RALYL: variants seen among roughly 807,000 people sequenced by gnomAD.
The protein encoded by RALYL is RALY RNA binding protein like.
Under a neutral mutation model 35.1 loss-of-function variants are expected in RALYL, and 29 were observed. The observed-to-expected ratio is 0.83, with a 90% CI of 0.61 to 1.13. The LOEUF (loss-of-function observed/expected upper bound fraction) is 1.13. Ranked by LOEUF, RALYL falls within the 50% of genes most tolerant of loss-of-function variation. The pLI is 0.00. For missense variants in RALYL, 359 were observed against 360.4 expected (o/e 1.00, Z 0.03); for synonymous variants, 120 against 127.6 (o/e 0.94, Z 0.40).
At chr8:84,672,416 A>T (rs765966014) in intron 2 of RALYL, among the ~76,000 whole-genome samples, 5 of 152,200 alleles carry the variant, frequency 3.3e-5, no homozygotes, top group Admixed American at 6.5e-5. Context: ...TCTTCTTCTG[A>T]GTCCTCCAAC....
chr8:84,258,438 A>G (rs888290056), intron 1 of RALYL, among the ~76,000 whole-genome samples: 4 of 152,168 alleles, frequency 2.6e-5, no homozygotes, highest in African/African-American at 9.6e-5. Flanking sequence ...CACACTTTAA[A>G]GTGCTTAGTT....
At chr8:84,550,608 T>C (rs2060649721) in intron 2 of RALYL, among the ~76,000 whole-genome samples, 2 of 151,382 alleles carry the variant, frequency 1.3e-5, no homozygotes, top group Admixed American at 1.3e-4. Context: ...ATTTATTATA[T>C]ACCTTTTTAT....
intron 1 of RALYL, among the ~76,000 whole-genome samples, chr8:84,434,441 ATAT>A (rs1157438208): frequency 6.6e-6 from 1 of 152,126 alleles, no homozygotes; most frequent in Non-Finnish European, 1.5e-5. Flanking sequence ...GCCCTGTGAA[ATAT>A]TCAAAAGTAT....
intron 2 of RALYL, among the ~76,000 whole-genome samples, chr8:84,742,215 A>G (rs907587139): frequency 1.3e-5 from 2 of 152,000 alleles, no homozygotes; most frequent in South Asian, 2.1e-4. Context: ...AAATATATTC[A>G]TGGACATTTG....
At chr8:84,737,911 C>A (rs1847606933) in intron 2 of RALYL, among the ~76,000 whole-genome samples, 1 of 151,960 alleles carries the variant, frequency 6.6e-6, no homozygotes, top group African/African-American at 2.4e-5. Flanking sequence ...GACTTGCCTC[C>A]AGAACTGTAA....
At chr8:84,665,957 A>G (rs1831942537) in intron 2 of RALYL, 1 of 152,086 alleles carries the variant, frequency 6.6e-6, no homozygotes, top group Admixed American at 6.6e-5. Flanking sequence ...CTGTCAACAA[A>G]GAATAAAAGA....
intron 1 of RALYL, among the ~76,000 whole-genome samples, chr8:84,516,002 T>C (rs1364585794): frequency 3.3e-5 from 1 of 30,682 alleles, no homozygotes; most frequent in Non-Finnish European, 6.1e-5. Flanking sequence ...GCCTGGTTTG[T>C]GGTGGTCGGG....
At chr8:84,558,486 C>A (rs1242882042) in intron 2 of RALYL, among the ~76,000 whole-genome samples, 1 of 151,986 alleles carries the variant, frequency 6.6e-6, no homozygotes, top group Admixed American at 6.6e-5. Context: ...GAGATTAGGG[C>A]ATTTCTTTGT....
intron 8 of RALYL, among the ~76,000 whole-genome samples, chr8:84,913,407 C>T (rs969880463): frequency 6.6e-6 from 1 of 151,994 alleles, no homozygotes; most frequent in Non-Finnish European, 1.5e-5. Context: ...TCAACTTTTA[C>T]TGAATTATTT....
intron 8 of RALYL, among the ~76,000 whole-genome samples, chr8:84,898,645 T>C (rs1240344309): frequency 6.6e-6 from 1 of 152,144 alleles, no homozygotes; most frequent in East Asian, 1.9e-4. Context: ...CTGACCAAAA[T>C]TGGCTGCTAT....
intron 1 of RALYL, among the ~76,000 whole-genome samples, chr8:84,382,596 C>T (rs1858249885): frequency 6.6e-6 from 1 of 151,540 alleles, no homozygotes; most frequent in Non-Finnish European, 1.5e-5. Context: ...TATAATTATT[C>T]ATTTCTATTT....
chr8:84,543,870 G>C (rs2060182872), intron 2 of RALYL, among the ~76,000 whole-genome samples: 1 of 152,060 alleles, frequency 6.6e-6, no homozygotes, highest in Admixed American at 6.6e-5. Flanking sequence ...TGGGTGCTAA[G>C]AAAGCTCATT....
chr8:84,909,055 C>G (rs1351478996), intron 8 of RALYL, among the ~76,000 whole-genome samples: 1 of 152,138 alleles, frequency 6.6e-6, no homozygotes, highest in Non-Finnish European at 1.5e-5. Flanking sequence ...AGATGGCCCT[C>G]TAGGTCACTA....
At chr8:84,755,720 G>T (rs1330327712) in intron 2 of RALYL, among the ~76,000 whole-genome samples, 6 of 151,756 alleles carry the variant, frequency 4.0e-5, no homozygotes, top group Non-Finnish European at 1.5e-5. Context: ...TTATACAAAG[G>T]TGATAATAGA....
chr8:84,603,576 C>T (rs2130778615), intron 2 of RALYL, among the ~76,000 whole-genome samples: 1 of 152,196 alleles, frequency 6.6e-6, no homozygotes, highest in Middle Eastern at 3.4e-3. Context: ...GGCTTACCTC[C>T]TGCCCACTGT....
chr8:84,425,699 C>A (rs1036548689), intron 1 of RALYL, among the ~76,000 whole-genome samples: 8 of 152,154 alleles, frequency 5.3e-5, no homozygotes, highest in African/African-American at 1.9e-4. Flanking sequence ...GGAAGATTGT[C>A]ACTCCAGAGA....
intron 1 of RALYL, among the ~76,000 whole-genome samples, chr8:84,517,631 C>T (rs2058160653): frequency 6.6e-6 from 1 of 152,124 alleles, no homozygotes; most frequent in African/African-American, 2.4e-5. Flanking sequence ...GAGAAGTTAT[C>T]AGATTGCTGG....
At chr8:84,224,581 T>A (rs185593214) in intron 1 of RALYL, among the ~76,000 whole-genome samples, 22 of 152,098 alleles carry the variant, frequency 1.4e-4, no homozygotes, top group African/African-American at 5.3e-4. Flanking sequence ...TTAAGCTAAG[T>A]ATAAAGTTTA....
chr8:84,543,122 G>A (rs893191066), intron 2 of RALYL, among the ~76,000 whole-genome samples: 6 of 151,942 alleles, frequency 3.9e-5, no homozygotes, highest in Admixed American at 3.9e-4. Flanking sequence ...ATTATATCTA[G>A]AGGCTTGATT....
Sources: allele counts gnomAD v4.1 joint callset (sites outside exome capture counted in the v4.1 genomes callset), GRCh38; gene constraint gnomAD v4.1.1; transcripts MANE v1.5; gene names NCBI Gene and HGNC (gene_info 2026-07-23, HGNC 2026-07-21).